ZNF423: variants seen among roughly 807,000 people sequenced by gnomAD.
ZNF423 encodes the protein zinc finger protein 423.
ZNF423 carries 12 observed loss-of-function variants against 95.8 expected under a neutral mutation model. The ratio of observed to expected loss-of-function variants is 0.13; its 90% CI spans 0.08 to 0.20. The LOEUF (loss-of-function observed/expected upper bound fraction) is 0.20, where lower values mean the gene tolerates loss of function less well. Ranked by LOEUF, ZNF423 falls within the 10% of genes least tolerant of loss-of-function variation. The pLI, the probability that ZNF423 is intolerant of heterozygous loss-of-function variation, is 1.00. For missense variants in ZNF423, 1,316 were observed against 1,737.1 expected (o/e 0.76, Z 4.31); for synonymous variants, 749 against 711.9 (o/e 1.05, Z -0.83).
intron 5 of ZNF423, among the ~76,000 whole-genome samples, chr16:49,570,660 A>G (rs1421736486): frequency 6.6e-6 from 1 of 152,242 alleles, no homozygotes; most frequent in African/African-American, 2.4e-5. Context: ...GATGTTATAT[A>G]TAATATTTGG....
chr16:49,580,827 T>C (rs956413059), intron 5 of ZNF423, among the ~76,000 whole-genome samples: 19 of 152,110 alleles, frequency 1.2e-4, no homozygotes, highest in African/African-American at 4.6e-4. Flanking sequence ...GGAGAACGCA[T>C]TCAGAGAGCC....
intron 1 of ZNF423, among the ~76,000 whole-genome samples, chr16:49,841,592 C>T (rs1440838063): frequency 3.9e-5 from 6 of 152,174 alleles, no homozygotes; most frequent in East Asian, 1.9e-4. Context: ...AAATGCTACC[C>T]GCTCTTCCAG....
chr16:49,499,053 TG>T (rs1967275703), intron 7 of ZNF423, among the ~76,000 whole-genome samples: 2 of 152,188 alleles, frequency 1.3e-5, no homozygotes, highest in South Asian at 4.1e-4. Flanking sequence ...GGCTATGACG[TG>T]GACACACCTC....
At chr16:49,854,429 G>A (rs1346528749) in intron 1 of ZNF423, 1 of 985,338 alleles carries the variant, frequency 1.0e-6, no homozygotes, top group Non-Finnish European at 1.2e-6. Flanking sequence ...GCGCAAGGCT[G>A]GCAGGAAGGG....
rs546570488 is a variant in ZNF423, at chr16:49,833,585, C to A, written c.40+22150G>T. 2.0e-5 allele frequency among the ~76,000 whole-genome samples: 3 copies of A among 152,050 alleles called. 1 individual carries two copies. Among genetic ancestry groups the A allele is most frequent in the Non-Finnish European group, 4.4e-5 (3 of 68,004 alleles). On this transcript the variant is annotated intron_variant, in intron 1 of 7. Transcript: ENST00000563137. The stretch of plus-strand genomic sequence containing the variant: ...AGATGTCCTGACTTCGCTCCCAGAG[C>A]CCCCTCCCACCTCCCACCCCCTCCT...
At chr16:49,532,002 C>T (rs999177186) in intron 5 of ZNF423, among the ~76,000 whole-genome samples, 11 of 152,170 alleles carry the variant, frequency 7.2e-5, no homozygotes, top group Non-Finnish European at 7.3e-5. Flanking sequence ...GGCTTAGGGA[C>T]GCTGATATTG....
intron 2 of ZNF423, among the ~76,000 whole-genome samples, chr16:49,774,655 A>G (rs2034090630): frequency 6.6e-6 from 1 of 152,154 alleles, no homozygotes; most frequent in South Asian, 2.1e-4. Context: ...GTAAGAAGTA[A>G]GCAACAGGTG....
At chr16:49,715,745 C>T (rs1266438611) in intron 3 of ZNF423, among the ~76,000 whole-genome samples, 1 of 150,354 alleles carries the variant, frequency 6.7e-6, no homozygotes, top group Non-Finnish European at 1.5e-5. Flanking sequence ...ACCCTGTCTC[C>T]CAACAACAAA....
chr16:49,492,714 G>A lies in ZNF423; in HGVS notation c.3850-1410C>T, dbSNP rs1272687508. On this transcript the variant is annotated intron_variant, in intron 7 of 7. Coordinates refer to ENST00000563137, the MANE Select transcript of ZNF423 (RefSeq NM_001379286.1). This position sits in a 1 kb window ranked among gnomAD's most constrained non-coding sequence, Gnocchi z 4.2. ...CGGGCGGAGCAGGCGCACGGCCGGG[G>A]CTTGGTGGGCATGCGTGCTCTGTGC... Among the ~76,000 whole-genome samples the A allele has an allele frequency of 2.6e-5, 4 of 152,228 alleles. No individual in the cohort carries two copies. The highest frequency in any genetic ancestry group is 9.6e-5 in the African/African-American group (4 of 41,464).
intron 5 of ZNF423, among the ~76,000 whole-genome samples, chr16:49,599,060 C>A (rs1384099575): frequency 6.6e-6 from 1 of 152,204 alleles, no homozygotes; most frequent in East Asian, 1.9e-4. Context: ...CCGGGCTCAG[C>A]AGAAATCCCT....
At chr16:49,739,482 A>G (rs1367535145) in intron 2 of ZNF423, among the ~76,000 whole-genome samples, 2 of 152,096 alleles carry the variant, frequency 1.3e-5, no homozygotes, top group Non-Finnish European at 2.9e-5. Flanking sequence ...TCCTGGGTCC[A>G]AGTGTGAATC....
Position 49,637,292 on chromosome 16 carries a change from G to A in ZNF423, c.1884C>T (p.Leu628=), listed in dbSNP as rs747790367. Residue 628 remains leucine, a synonymous_variant, in exon 4 of 8, where the codon CTC becomes CTT. Transcript: ENST00000563137. The surrounding 1 kb of genome is among the most constrained non-coding windows in gnomAD (Gnocchi z 5.6). ...VEVSSPKRQR[L]SASANSISNG... is the part of the protein sequence containing the mutation. The stretch of plus-strand genomic sequence containing the variant: ...TGGAGATGGAGTTGGCGCTTGCTGA[G>A]AGCCGCTGCCGCTTCGGGGAAGACA... 2.5e-6 allele frequency: 4 copies of A among 1,614,236 alleles called. No homozygotes were observed. Among genetic ancestry groups the A allele is most frequent in the Non-Finnish European group, 3.4e-6 (4 of 1,180,038 alleles).
At chr16:49,669,610 G>A (rs1444043866) in intron 3 of ZNF423, among the ~76,000 whole-genome samples, 2 of 152,222 alleles carry the variant, frequency 1.3e-5, no homozygotes, top group Non-Finnish European at 2.9e-5. Context: ...CCAGGCAGGA[G>A]TTGGACCTAG....
At chr16:49,845,321 T>C (rs372540068) in intron 1 of ZNF423, among the ~76,000 whole-genome samples, 1 of 151,692 alleles carries the variant, frequency 6.6e-6, no homozygotes, top group East Asian at 2.0e-4. Context: ...GCCAGGCTGG[T>C]CTCAAACTCC....
chr16:49,680,180 G>A (rs552303664), intron 3 of ZNF423, among the ~76,000 whole-genome samples: 2 of 152,244 alleles, frequency 1.3e-5, no homozygotes, highest in South Asian at 4.2e-4. Flanking sequence ...CCTCTCCACT[G>A]AGAGCTGGAC....
At position 49,588,201 on chromosome 16, in the gene ZNF423, G is replaced by C. The variant is rs184909796; in HGVS notation, c.3601+37969C>G. 1.7e-3 allele frequency among the ~76,000 whole-genome samples: 254 copies of C among 152,322 alleles called. 1 individual carries two copies. The highest frequency in any genetic ancestry group is 5.9e-3 in the African/African-American group (244 of 41,570). ...CTGTGAATCTTCCCTGCTGCAGTAG[G>C]CTGCCTCAGTAAGTTGTACTGGGGG... is the stretch of plus-strand genomic sequence containing the variant. On this transcript the variant is annotated intron_variant, in intron 5 of 7. Transcript: ENST00000563137.
intron 1 of ZNF423, chr16:49,846,920 C>G (rs1378708996): frequency 6.6e-6 from 1 of 152,422 alleles, no homozygotes; most frequent in Non-Finnish European, 1.5e-5. Flanking sequence ...TGTAGTCATA[C>G]CAACCCAGCT....
At chr16:49,711,305 C>A (rs2032536050) in intron 3 of ZNF423, 1 of 152,152 alleles carries the variant, frequency 6.6e-6, no homozygotes. Flanking sequence ...CTAAATACCC[C>A]CCACCAGGGG....
At chr16:49,521,456 C>A (rs570228507) in intron 7 of ZNF423, among the ~76,000 whole-genome samples, 1 of 152,122 alleles carries the variant, frequency 6.6e-6, no homozygotes, top group Admixed American at 6.5e-5. Flanking sequence ...GGAGAGGGTG[C>A]GCATCCAGCA....
Sources: gnomAD v4.1 joint callset for allele counts (sites outside exome capture counted in the v4.1 genomes callset) on GRCh38, gnomAD v4.1.1 for gene constraint, Gnocchi (gnomAD v3.1) non-coding constraint, MANE v1.5 for transcripts, NCBI Gene and HGNC (gene_info 2026-07-23, HGNC 2026-07-21) for gene names.